Variants in DPCD observed in about 807,000 individuals in gnomAD.
The protein encoded by DPCD is deleted in primary ciliary dyskinesia homolog (mouse), also known as protein DPCD.
A neutral mutation model predicts 26.4 loss-of-function variants in DPCD; 20 were observed. That is an observed-to-expected ratio of 0.76 (90% CI 0.53 to 1.10). The LOEUF (loss-of-function observed/expected upper bound fraction) is 1.10. Ranked by LOEUF, DPCD falls within the 50% of genes least tolerant of loss-of-function variation. The pLI, the probability that DPCD is intolerant of heterozygous loss-of-function variation, is 0.00. For synonymous variants in DPCD, 97 were observed against 94.2 expected, an observed-to-expected ratio of 1.03 and a Z score of -0.17; for missense variants, 202 against 253.9, an observed-to-expected ratio of 0.80 and a Z score of 1.39.
chr10:101,601,130 G>T, intron 3 of DPCD, 73 bp from the exon 4 acceptor site: 1 of 1,596,728 alleles, frequency 6.3e-7, no homozygotes, highest in Non-Finnish European at 8.5e-7. Flanking sequence ...TTGTGCCCCG[G>T]GGTAGCGCTC....
chr10:101,595,661 CCA>C (rs2134760249), intron 2 of DPCD, among the ~76,000 whole-genome samples: 1 of 152,288 alleles, frequency 6.6e-6, no homozygotes, highest in East Asian at 1.9e-4. Context: ...CCCTCAGTCT[CCA>C]GTCTTAAAAT....
chr10:101,591,785 G>A (rs1051878249), intron 1 of DPCD, among the ~76,000 whole-genome samples: 10 of 152,000 alleles, frequency 6.6e-5, no homozygotes, highest in African/African-American at 1.2e-4. Context: ...GGGTTCAAGC[G>A]ATTCTCCTAT....
At chr10:101,591,725 A>G (rs1296784967) in intron 1 of DPCD, among the ~76,000 whole-genome samples, 5 of 152,136 alleles carry the variant, frequency 3.3e-5, no homozygotes, top group Non-Finnish European at 7.4e-5. Flanking sequence ...CTTGTTGCCC[A>G]AACTGGAGTG....
intron 2 of DPCD, among the ~76,000 whole-genome samples, chr10:101,595,613 G>A (rs1234797702): frequency 6.6e-6 from 1 of 152,152 alleles, no homozygotes. Context: ...GCTCATAAAT[G>A]TCTAGAACCG....
chr10:101,597,379 AAAG>A (rs1366016243), intron 2 of DPCD, among the ~76,000 whole-genome samples: 6 of 152,260 alleles, frequency 3.9e-5, no homozygotes, highest in African/African-American at 1.4e-4. Context: ...TTAAGGCAGA[AAAG>A]AAGAATCCTG....
chr10:101,601,951 G>T (rs189636746), intron 4 of DPCD, among the ~76,000 whole-genome samples: 65 of 152,318 alleles, frequency 4.3e-4, no homozygotes, highest in Non-Finnish European at 7.8e-4. Flanking sequence ...GAGGCAAACT[G>T]CAGGGGTTGA....
chr10:101,590,506 G>A (rs1285448137), intron 1 of DPCD, among the ~76,000 whole-genome samples: 1 of 151,880 alleles, frequency 6.6e-6, no homozygotes, highest in Admixed American at 6.6e-5. Context: ...CAGTTCTGTG[G>A]CATTAAGTAC....
At position 101,588,419 on chromosome 10, in the gene DPCD, C is replaced by A; in HGVS notation, c.64+19C>A. On this transcript the variant is annotated intron_variant, in intron 1 of 5. Coordinates refer to ENST00000370151, the MANE Select transcript of DPCD (RefSeq NM_015448.3). ...CAGGACGGTAACTCGAGGGTCCCCA[C>A]GGGCTCCTTCGTTTTTTTCCCTCAG... 6.3e-7 allele frequency: 1 copy of A among 1,575,978 alleles called. No homozygotes were observed.
At chr10:101,595,980 G>GC (rs1414040419) in intron 2 of DPCD, among the ~76,000 whole-genome samples, 1 of 152,088 alleles carries the variant, frequency 6.6e-6, no homozygotes, top group Non-Finnish European at 1.5e-5. Flanking sequence ...CTCACTCCCA[G>GC]CCCCCCGTGC....
Position 101,601,303 on chromosome 10 carries a change from A to C in DPCD, c.371A>C (p.Glu124Ala), listed in dbSNP as rs957123085. Reference sequence around the variant, plus strand: ...TATAGTGTCTCTGTGGACCAGAAGGAGCGCTGCATCATTGTCAGAACAACC... The same window carrying C: ...TATAGTGTCTCTGTGGACCAGAAGGCGCGCTGCATCATTGTCAGAACAACC... ...DVYSVSVDQK[E>A]RCIIVRTTNK... The change falls in exon 4 of 6, where the codon GAG (glutamate) becomes GCG (alanine). Residue 124 changes from glutamate to alanine, a missense_variant. Around this residue, in one of 3 missense-constraint regions of DPCD, gnomAD observed 118 missense variants for 145.1 expected, o/e 0.81. Coordinates refer to ENST00000370151, the MANE Select transcript of DPCD (RefSeq NM_015448.3). 2.5e-6 allele frequency: 4 copies of C among 1,613,684 alleles called. No individual in the cohort carries two copies. The highest frequency in any genetic ancestry group is 3.4e-6 in the Non-Finnish European group (4 of 1,179,896).
rs966662240 is a variant in DPCD at position 101,603,342 on chromosome 10, A to G, written c.404+2006A>G. ...ACTCCCATTAATTATATAGAACTCA[A>G]TGGGTATTCCTTTATTATTATTATT... On this transcript the variant is annotated intron_variant, in intron 4 of 5. Coordinates refer to ENST00000370151, the MANE Select transcript of DPCD (RefSeq NM_015448.3). This position sits in a 1 kb window ranked among gnomAD's most constrained non-coding sequence, Gnocchi z 4.6. 2.6e-5 allele frequency among the ~76,000 whole-genome samples: 4 copies of G among 152,202 alleles called. No individual in the cohort carries two copies. The highest frequency in any genetic ancestry group is 2.0e-4 in the Admixed American group (3 of 15,282).
chr10:101,604,991 G>T (rs2063723324), intron 4 of DPCD: 5 of 1,220,718 alleles, frequency 4.1e-6, no homozygotes, highest in Non-Finnish European at 3.4e-6. Context: ...AGAAACTCTG[G>T]ATTAAACAGG....
intron 3 of DPCD, 25 bp from the exon 4 acceptor site, chr10:101,601,178 C>T: frequency 1.9e-6 from 3 of 1,613,398 alleles, no homozygotes; most frequent in Non-Finnish European, 2.5e-6. Context: ...AGGAACAGTC[C>T]TCGAGTTGGA....
intron 4 of DPCD, chr10:101,605,313 T>G (rs937484380): frequency 1.7e-5 from 26 of 1,496,666 alleles, no homozygotes; most frequent in African/African-American, 4.2e-5. Context: ...CTGGTGCCCT[T>G]TTGGGTTGAA....
chr10:101,598,866 C>T (rs1040056008), intron 2 of DPCD, among the ~76,000 whole-genome samples: 6 of 152,060 alleles, frequency 3.9e-5, no homozygotes, highest in South Asian at 4.2e-4. Context: ...GTGATCCGCC[C>T]GCCTTGGCCT....
intron 1 of DPCD, among the ~76,000 whole-genome samples, chr10:101,590,036 G>T (rs2063583855): frequency 6.9e-6 from 1 of 144,676 alleles, no homozygotes; most frequent in Non-Finnish European, 1.5e-5. Flanking sequence ...TTGGGCGACA[G>T]AGCGAGACCC....
intron 2 of DPCD, among the ~76,000 whole-genome samples, chr10:101,596,913 G>A (rs1049761996): frequency 7.9e-5 from 12 of 152,206 alleles, no homozygotes; most frequent in Non-Finnish European, 1.8e-4. Context: ...GTAATTTACA[G>A]AGGAAGAATT....
intron 1 of DPCD, among the ~76,000 whole-genome samples, chr10:101,590,064 A>G (rs990650239): frequency 2.6e-5 from 3 of 115,534 alleles, no homozygotes; most frequent in South Asian, 2.4e-4. Flanking sequence ...AAAAAACTGG[A>G]AAAAAAAAAA....
At chr10:101,606,497 T>G (rs1380718801) in intron 4 of DPCD, among the ~76,000 whole-genome samples, 1 of 151,350 alleles carries the variant, frequency 6.6e-6, no homozygotes, top group East Asian at 1.9e-4. Context: ...TTTAATTTTT[T>G]GTAGAGACAG....
Sources: gnomAD v4.1 joint callset for allele counts (sites outside exome capture counted in the v4.1 genomes callset) on GRCh38, gnomAD v4.1.1 for gene constraint, gnomAD v4.1.1 regional missense constraint, Gnocchi (gnomAD v3.1) non-coding constraint, MANE v1.5 for transcripts, NCBI Gene and HGNC (gene_info 2026-07-23, HGNC 2026-07-21) for gene names.